The following MTMR2 variants were observed in gnomAD, a reference collection of about 807,000 sequenced individuals.
MTMR2 encodes phosphatidylinositol-3,5-bisphosphate 3-phosphatase MTMR2.
A neutral mutation model predicts 86.9 loss-of-function variants in MTMR2; 55 were observed. The ratio of observed to expected loss-of-function variants is 0.63; its 90% CI spans 0.51 to 0.79. The LOEUF is 0.79. Among genes scored for constraint, MTMR2 ranks in the 30% least tolerant of loss-of-function variants. The probability of loss-of-function intolerance (pLI) is 0.00; values close to 1 mark genes in which losing one functional copy is unlikely to be tolerated. For missense variants in MTMR2, 659 were observed against 772.3 expected, an observed-to-expected ratio of 0.85 and a Z score of 1.74; for synonymous variants, 241 against 266.8, an observed-to-expected ratio of 0.90 and a Z score of 0.94.
Position 95,862,011 on chromosome 11 carries a change from C to T in MTMR2, c.449G>A (p.Gly150Glu). The T allele has an allele frequency of 6.2e-7, 1 of 1,612,334 alleles. No individual in the cohort carries two copies. The highest frequency in any genetic ancestry group is 8.5e-7 in the Non-Finnish European group (1 of 1,178,520). The stretch of plus-strand genomic sequence containing the variant: ...ATTTACCTTACACACAGTTTCTAGT[C>T]CATAAGAATTTTCACCTCGACTAGA... ...GASSRGENSYGLETVCKDIRN... is the reference protein window; with the variant it reads ...GASSRGENSYELETVCKDIRN... The change falls in exon 5 of 15, where the codon GGA becomes GAA. Residue 150 changes from glycine (G) to glutamate (E), a missense_variant. Physicochemically the swap from Gly to Glu is moderately conservative, Grantham distance 98. Transcript: ENST00000346299.
At chr11:95,872,236 A>C (rs1314366346) in intron 2 of MTMR2, among the ~76,000 whole-genome samples, 5 of 151,752 alleles carry the variant, frequency 3.3e-5, no homozygotes, top group Non-Finnish European at 7.4e-5. Flanking sequence ...CACGATATTG[A>C]TTCTTCCTAC....
chr11:95,872,475 C>G (rs538554477), intron 2 of MTMR2, among the ~76,000 whole-genome samples: 1 of 152,170 alleles, frequency 6.6e-6, no homozygotes, highest in African/African-American at 2.4e-5. Flanking sequence ...TATCCTGAGA[C>G]TTTGCTGAAG....
At chr11:95,919,694 T>C (rs1242285785) in intron 1 of MTMR2, among the ~76,000 whole-genome samples, 1 of 152,158 alleles carries the variant, frequency 6.6e-6, no homozygotes, top group African/African-American at 2.4e-5. Flanking sequence ...CAGTCTCCCA[T>C]AAAAATAACT....
intron 2 of MTMR2, among the ~76,000 whole-genome samples, chr11:95,867,548 G>A (rs181081705): frequency 3.9e-5 from 6 of 152,250 alleles, no homozygotes; most frequent in Admixed American, 6.5e-5. Flanking sequence ...GTCAAAGAGC[G>A]AGGCAATGAA....
At chr11:95,890,798 A>G (rs1865689323) in intron 1 of MTMR2, among the ~76,000 whole-genome samples, 2 of 152,232 alleles carry the variant, frequency 1.3e-5, no homozygotes, top group South Asian at 2.1e-4. Context: ...AAGATGCTCA[A>G]GAGGCTGAAG....
chr11:95,896,922 T>C (rs552264241), intron 1 of MTMR2, among the ~76,000 whole-genome samples: 34 of 148,402 alleles, frequency 2.3e-4, no homozygotes, highest in African/African-American at 7.5e-4. Flanking sequence ...AAAAAAAAAC[T>C]AGTGGGAACT....
chr11:95,906,455 G>T (rs1195342908), intron 1 of MTMR2, among the ~76,000 whole-genome samples: 2 of 152,148 alleles, frequency 1.3e-5, no homozygotes, highest in Non-Finnish European at 2.9e-5. Context: ...AATAGTGAGA[G>T]ACTTCAACAC....
intron 1 of MTMR2, among the ~76,000 whole-genome samples, chr11:95,910,064 G>A (rs1224558306): frequency 6.6e-6 from 1 of 151,144 alleles, no homozygotes; most frequent in Admixed American, 6.6e-5. Context: ...ATAATACAAA[G>A]CACAAATATT....
At chr11:95,888,572 T>C (rs761820838) in intron 1 of MTMR2, among the ~76,000 whole-genome samples, 2 of 152,168 alleles carry the variant, frequency 1.3e-5, no homozygotes, top group Non-Finnish European at 2.9e-5. Context: ...AGTGGTCCAA[T>C]GTACAAAACC....
At chr11:95,843,066 G>A (rs1238747707) in intron 11 of MTMR2, among the ~76,000 whole-genome samples, 1 of 151,674 alleles carries the variant, frequency 6.6e-6, no homozygotes, top group African/African-American at 2.4e-5. Context: ...ATTGTGGTTA[G>A]AAAGACTTAA....
In MTMR2 at chr11:95,907,461, T is replaced by C. The variant is rs577789818; in HGVS notation, c.80+16414A>G. ...TAAAGAAGATCTGGTGCCATTCCTA[T>C]GGAAACTATTCCCCCCAAAAAAATG... is the stretch of plus-strand genomic sequence containing the variant. On this transcript the variant is annotated intron_variant, in intron 1 of 14. Coordinates refer to ENST00000346299, the MANE Select transcript of MTMR2 (RefSeq NM_016156.6). Among the ~76,000 whole-genome samples the C allele has an allele frequency of 2.0e-5, 3 of 151,962 alleles. No individual in the cohort carries two copies. In the South Asian group the frequency reaches 6.2e-4, roughly 32 times the overall value.
chr11:95,869,372 G>A (rs975786600), intron 2 of MTMR2, among the ~76,000 whole-genome samples: 7 of 152,096 alleles, frequency 4.6e-5, no homozygotes, highest in Non-Finnish European at 1.0e-4. Context: ...CGTAATAGAA[G>A]CATCAACAGA....
At chr11:95,878,700 C>A (rs1385826483) in intron 2 of MTMR2, among the ~76,000 whole-genome samples, 3 of 151,992 alleles carry the variant, frequency 2.0e-5, no homozygotes, top group Admixed American at 6.6e-5. Context: ...ACCAATATAG[C>A]CCCACTTCTC....
intron 2 of MTMR2, 102 bp from the exon 3 acceptor site, chr11:95,865,778 TATCAC>T: frequency 1.1e-6 from 1 of 872,202 alleles, no homozygotes; most frequent in Non-Finnish European, 1.9e-6. Flanking sequence ...TATAACATCA[TATCAC>T]ATACACTATT....
At chr11:95,899,611 T>C (rs769440622) in intron 1 of MTMR2, among the ~76,000 whole-genome samples, 7 of 148,038 alleles carry the variant, frequency 4.7e-5, no homozygotes, top group Non-Finnish European at 1.0e-4. Context: ...ATGAATCTGA[T>C]TGTGATGAAT....
In MTMR2 at chr11:95,858,610, G is replaced by A; in HGVS notation, c.491C>T (p.Ala164Val). Reference protein sequence around the residue: ...VCKDIRNLRFAHKPEGRTRRS... With the variant: ...VCKDIRNLRFVHKPEGRTRRS... Reference sequence around the variant, plus strand: ...TCTTGTCCGCCCCTCAGGTTTATGAGCAAATCGTAAATTCCTAATATCCTA... The same window carrying A: ...TCTTGTCCGCCCCTCAGGTTTATGAACAAATCGTAAATTCCTAATATCCTA... Residue 164 changes from alanine (A) to valine (V), a missense_variant, in exon 6 of 15, where the codon GCT becomes GTT. Ala to Val is a moderately conservative substitution (Grantham distance 64, BLOSUM62 0). This residue lies in a region of MTMR2 where 387 missense variants were observed against 526.3 expected (regional missense o/e 0.74). Coordinates refer to ENST00000346299, the MANE Select transcript of MTMR2 (RefSeq NM_016156.6). 1 of 1,611,052 alleles carries A rather than the reference G, an allele frequency of 6.2e-7. No individual in the cohort carries two copies. Among genetic ancestry groups the A allele is most frequent in the Non-Finnish European group, 8.5e-7 (1 of 1,177,556 alleles).
At chr11:95,898,914 A>G (rs1417709648) in intron 1 of MTMR2, among the ~76,000 whole-genome samples, 1 of 152,192 alleles carries the variant, frequency 6.6e-6, no homozygotes. Context: ...AAGACATGTT[A>G]AAGCAACTGG....
intron 12 of MTMR2, 57 bp from the exon 13 acceptor site, chr11:95,838,264 C>T (rs544183621): frequency 3.2e-6 from 3 of 934,372 alleles, no homozygotes; most frequent in Admixed American, 1.7e-5. Flanking sequence ...CATATTCATC[C>T]CTGTCATGGG....
chr11:95,883,216 CTT>C (rs1865398447), intron 2 of MTMR2, among the ~76,000 whole-genome samples: 1 of 152,064 alleles, frequency 6.6e-6, no homozygotes, highest in Non-Finnish European at 1.5e-5. Flanking sequence ...CAAATTATAA[CTT>C]ATAAATAAGT....
Sources: gnomAD v4.1 joint callset for allele counts (sites outside exome capture counted in the v4.1 genomes callset) on GRCh38, gnomAD v4.1.1 for gene constraint, gnomAD v4.1.1 regional missense constraint, MANE v1.5 for transcripts, NCBI Gene and HGNC (gene_info 2026-07-23, HGNC 2026-07-21) for gene names.